The following LMNTD1 variants were observed in gnomAD, a reference collection of about 807,000 sequenced individuals.
The protein encoded by LMNTD1 is lamin tail domain containing 1, also known as lamin tail domain-containing protein 1.
In LMNTD1, 35 loss-of-function variants were observed where a neutral mutation model predicts 50.9. That is an observed-to-expected ratio of 0.69 (90% CI 0.53 to 0.91). The LOEUF is 0.91. Ranked by LOEUF, LMNTD1 falls within the 40% of genes least tolerant of loss-of-function variation. LMNTD1 has a pLI of 0.00. For synonymous variants in LMNTD1, 153 were observed against 161.9 expected (o/e 0.94, Z 0.42); for missense variants, 470 against 475.5 (o/e 0.99, Z 0.11).
chr12:25,624,978 G>C (rs975365899), intron 1 of LMNTD1, among the ~76,000 whole-genome samples: 1 of 152,060 alleles, frequency 6.6e-6, no homozygotes, highest in Admixed American at 6.6e-5. Flanking sequence ...GTGAATAATA[G>C]CATTACAATA....
chr12:25,553,071 G>A lies in LMNTD1; in HGVS notation c.-33C>T. On this transcript the variant is annotated splice_region_variant and 5_prime_UTR_variant, in exon 1 of 10. Transcript: ENST00000458174. ...TTTTCTTTTCAAAGTGACCTCACCT[G>A]TTAATCCAACTACCTTCAAGCATCA... The A allele has an allele frequency of 6.2e-7, 1 of 1,612,972 alleles. No individual in the cohort carries two copies. Among genetic ancestry groups the A allele is most frequent in the East Asian group, 2.2e-5 (1 of 44,874 alleles).
chr12:25,494,254 A>C (rs528155748), intron 9 of LMNTD1, among the ~76,000 whole-genome samples: 1 of 152,338 alleles, frequency 6.6e-6, no homozygotes, highest in African/African-American at 2.4e-5. Context: ...TGTTGATATT[A>C]AGGTAAAATT....
chr12:25,494,480 G>A (rs538242424), intron 9 of LMNTD1, among the ~76,000 whole-genome samples: 3 of 152,144 alleles, frequency 2.0e-5, no homozygotes, highest in South Asian at 2.1e-4. Flanking sequence ...GTTGGCCTAC[G>A]AAAAGTAAAA....
chr12:25,608,762 T>C (rs1946177568), intron 1 of LMNTD1, among the ~76,000 whole-genome samples: 2 of 152,216 alleles, frequency 1.3e-5, no homozygotes, highest in South Asian at 4.1e-4. Context: ...CATTTTTTCC[T>C]TCATTTCAAC....
chr12:25,565,253 GTTCT>G (rs1340816205), intron 1 of LMNTD1, among the ~76,000 whole-genome samples: 1 of 151,438 alleles, frequency 6.6e-6, no homozygotes, highest in Non-Finnish European at 1.5e-5. Context: ...TCTTCTCTTT[GTTCT>G]TTCTTTTCTT....
At chr12:25,608,814 T>C (rs1208539335) in intron 1 of LMNTD1, among the ~76,000 whole-genome samples, 1 of 152,206 alleles carries the variant, frequency 6.6e-6, no homozygotes, top group African/African-American at 2.4e-5. Flanking sequence ...GTTGCTCTTC[T>C]TGAGGAGTAT....
intron 8 of LMNTD1, among the ~76,000 whole-genome samples, chr12:25,513,763 G>T (rs1940509436): frequency 6.8e-6 from 1 of 147,562 alleles, no homozygotes; most frequent in South Asian, 2.2e-4. Context: ...CTTTAAAAAA[G>T]TGAAAAAAAG....
intron 4 of LMNTD1, among the ~76,000 whole-genome samples, chr12:25,532,919 T>C (rs1942323586): frequency 6.6e-6 from 1 of 152,166 alleles, no homozygotes; most frequent in Non-Finnish European, 1.5e-5. Context: ...CCTGGGAAGA[T>C]GAGCACTAAT....
At chr12:25,556,946 C>T (rs1395761488), upstream of LMNTD1, among the ~76,000 whole-genome samples, 1 of 152,046 alleles carries the variant, frequency 6.6e-6, no homozygotes, top group Non-Finnish European at 1.5e-5. Context: ...TGAATGAAGG[C>T]AGCATATATA....
intron 9 of LMNTD1, among the ~76,000 whole-genome samples, chr12:25,477,519 T>C (rs1485392857): frequency 6.6e-6 from 1 of 152,112 alleles, no homozygotes; most frequent in East Asian, 1.9e-4. Flanking sequence ...AAGTTACTGG[T>C]TAAGAGTAAG....
intron 7 of LMNTD1, 27 bp from the exon 8 acceptor site, chr12:25,518,994 A>T (rs1365203497): frequency 6.2e-7 from 1 of 1,609,848 alleles, no homozygotes; most frequent in Admixed American, 1.7e-5. Context: ...CCTAAATGGA[A>T]CTCAAAAGCC....
chr12:25,621,598 C>T (rs191246822), intron 1 of LMNTD1, among the ~76,000 whole-genome samples: 19 of 152,156 alleles, frequency 1.2e-4, no homozygotes, highest in Non-Finnish European at 2.2e-4. Flanking sequence ...TATCGTTTGA[C>T]CAACACCTCC....
chr12:25,499,366 T>C (rs1283440382), intron 9 of LMNTD1, among the ~76,000 whole-genome samples: 1 of 152,170 alleles, frequency 6.6e-6, no homozygotes, highest in Non-Finnish European at 1.5e-5. Flanking sequence ...TGGGAGGAAA[T>C]TATGAGAACT....
chr12:25,581,132 A>C (rs578043504), intron 1 of LMNTD1, among the ~76,000 whole-genome samples: 2 of 152,194 alleles, frequency 1.3e-5, no homozygotes, highest in Non-Finnish European at 2.9e-5. Flanking sequence ...AGCGTACATA[A>C]GACATCACAA....
chr12:25,593,791 T>C (rs1945770972), intron 1 of LMNTD1, among the ~76,000 whole-genome samples: 1 of 139,898 alleles, frequency 7.1e-6, no homozygotes, highest in Non-Finnish European at 1.5e-5. Context: ...AAGCCCAATC[T>C]AAGGAAATTA....
chr12:25,647,416 G>T (rs200121232), intron 1 of LMNTD1, among the ~76,000 whole-genome samples: 5 of 152,310 alleles, frequency 3.3e-5, no homozygotes, highest in South Asian at 2.1e-4. Flanking sequence ...TTGAGCCTGG[G>T]GGGGCAGAGG....
intron 9 of LMNTD1, among the ~76,000 whole-genome samples, chr12:25,490,364 A>G (rs553567982): frequency 6.6e-6 from 1 of 152,304 alleles, no homozygotes; most frequent in African/African-American, 2.4e-5. Flanking sequence ...TCCTTTTTCA[A>G]GGGCCTCATT....
At chr12:25,517,458 C>G (rs1212877055) in intron 8 of LMNTD1, among the ~76,000 whole-genome samples, 1 of 43,930 alleles carries the variant, frequency 2.3e-5, no homozygotes, top group Non-Finnish European at 6.1e-5. Context: ...ATCGCAAGAA[C>G]AAAAAACCAA....
intron 1 of LMNTD1, among the ~76,000 whole-genome samples, chr12:25,607,083 T>A (rs540109165): frequency 6.6e-6 from 1 of 152,306 alleles, no homozygotes; most frequent in African/African-American, 2.4e-5. Flanking sequence ...TTCCAGGAAT[T>A]TATCCATTTC....
Sources: allele counts gnomAD v4.1 joint callset (sites outside exome capture counted in the v4.1 genomes callset), GRCh38; gene constraint gnomAD v4.1.1; transcripts MANE v1.5; gene names NCBI Gene and HGNC (gene_info 2026-07-23, HGNC 2026-07-21).